PGLS: variants seen among roughly 807,000 people sequenced by gnomAD.
PGLS encodes the protein epididymis secretory protein Li 304.
Under a neutral mutation model 23.2 loss-of-function variants are expected in PGLS, and 21 were observed. That is an observed-to-expected ratio of 0.91 (90% CI 0.64 to 1.31). The LOEUF (loss-of-function observed/expected upper bound fraction) is 1.31, where lower values mean the gene tolerates loss of function less well. PGLS is among the 50% of genes most tolerant of loss of function. The probability of loss-of-function intolerance (pLI) is 0.00; values close to 1 mark genes in which losing one functional copy is unlikely to be tolerated. For synonymous variants in PGLS, 179 were observed against 165.4 expected, an observed-to-expected ratio of 1.08 and a Z score of -0.63; for missense variants, 410 against 354.0, an observed-to-expected ratio of 1.16 and a Z score of -1.27.
chr19:17,511,843 G>T lies in PGLS; in HGVS notation c.171G>T (p.Glu57Asp). Residue 57 changes from glutamate (E) to aspartate (D), a missense_variant, in exon 1 of 5, where the codon GAG becomes GAT. By Grantham distance (45) the Glu-to-Asp change is conservative. Coordinates refer to ENST00000252603, the MANE Select transcript of PGLS (RefSeq NM_012088.3). The stretch of plus-strand genomic sequence containing the variant: ...GCCTCGTCTCGATGCTAGCCCGCGA[G>T]CTACCCGCCGCCGTCGCCCCTGCCG... Reference protein sequence around the residue: ...GGSLVSMLARELPAAVAPAGP... With the variant: ...GGSLVSMLARDLPAAVAPAGP... 6.5e-7 allele frequency: 1 copy of T among 1,529,584 alleles called. No homozygotes were observed. 94.8% of individuals were successfully genotyped at this position (1,529,584 alleles called of 1,614,324 possible). A position where few individuals can be genotyped will look rare whatever the true frequency, so the allele number is the denominator to read the frequency against.
chr19:17,517,636 C>A, intron 3 of PGLS, 74 bp from the exon 4 acceptor site: 1 of 1,523,040 alleles, frequency 6.6e-7, no homozygotes, highest in Non-Finnish European at 9.1e-7. Context: ...TGGACCAGGC[C>A]TGGTGTGTGT....
intron 4 of PGLS, among the ~76,000 whole-genome samples, chr19:17,519,042 G>A (rs1008614385): frequency 1.6e-4 from 24 of 152,020 alleles, no homozygotes; most frequent in African/African-American, 5.1e-4. Flanking sequence ...GGCGGGGCGC[G>A]GTGGCTTATG....
intron 2 of PGLS, chr19:17,516,626 C>G: frequency 3.0e-6 from 2 of 662,260 alleles, no homozygotes; most frequent in Non-Finnish European, 3.7e-6. Context: ...ACTCTGTCGC[C>G]CAGGCTGGAG....
chr19:17,516,325 G>GGCCACACCCCGGGCAACAGA, intron 2 of PGLS, 45 bp downstream of exon 2: 1 of 1,581,154 alleles, frequency 6.3e-7, no homozygotes, highest in Non-Finnish European at 8.6e-7. Flanking sequence ...TCCACGAAGC[G>GGCCACACCCCGGGCAACAGA]GCCACACCCC....
intron 1 of PGLS, 36 bp downstream of exon 1, chr19:17,511,996 G>C: frequency 2.0e-6 from 3 of 1,517,528 alleles, no homozygotes; most frequent in Non-Finnish European, 2.6e-6. Context: ...ATCACGCCGA[G>C]AGGGCCACAG....
chr19:17,515,281 T>C (rs1455870708), intron 1 of PGLS, among the ~76,000 whole-genome samples: 1 of 152,036 alleles, frequency 6.6e-6, no homozygotes, highest in Non-Finnish European at 1.5e-5. Context: ...AGGTCAGCAT[T>C]CAGGGCAGTC....
rs1301923620 is a variant in PGLS, at chr19:17,511,753, C to T, written c.81C>T (p.Ala27=). 3 of 1,500,812 alleles carry T rather than the reference C, an allele frequency of 2.0e-6. No homozygotes were observed. Among genetic ancestry groups the T allele is most frequent in the East Asian group, 2.7e-5 (1 of 36,416 alleles). 93.0% of individuals were successfully genotyped at this position (1,500,812 alleles called of 1,614,324 possible). A position where few individuals can be genotyped will look rare whatever the true frequency, so the allele number is the denominator to read the frequency against. ...ELGAALAQLV[A]QRAACCLAGA... is the part of the protein sequence containing the mutation. Reference sequence around the variant, plus strand: ...GTGCGGCGCTAGCGCAGCTGGTGGCCCAGCGCGCAGCATGCTGCCTGGCAG... The same window carrying T: ...GTGCGGCGCTAGCGCAGCTGGTGGCTCAGCGCGCAGCATGCTGCCTGGCAG... The change falls in exon 1 of 5, where the codon GCC becomes GCT. Residue 27 remains alanine (A), a synonymous_variant. Transcript: ENST00000252603.
At position 17,516,226 on chromosome 19, in the gene PGLS, C is replaced by T. The variant is rs760234235; in HGVS notation, c.342C>T (p.Asn114=). 1.9e-6 allele frequency: 3 copies of T among 1,614,116 alleles called. No individual in the cohort carries two copies. Among genetic ancestry groups the T allele is most frequent in the Non-Finnish European group, 2.5e-6 (3 of 1,179,968 alleles). Residue 114 remains asparagine, a synonymous_variant, in exon 2 of 5, where the codon AAC becomes AAT. Coordinates refer to ENST00000252603, the MANE Select transcript of PGLS (RefSeq NM_012088.3). ...CAGAAAGCCAGGTGATCACCATTAA[C>T]CCCGAGCTGCCTGTGGAGGAGGCGG... ...PIPESQVITI[N]PELPVEEAAE...
chr19:17,513,759 C>G (rs2075520625), intron 1 of PGLS, among the ~76,000 whole-genome samples: 1 of 152,174 alleles, frequency 6.6e-6, no homozygotes, highest in Non-Finnish European at 1.5e-5. Context: ...GCAGAGGTTG[C>G]AGTGAGCTGA....
intron 2 of PGLS, 120 bp from the exon 3 acceptor site, chr19:17,517,168 C>G: frequency 1.4e-6 from 1 of 699,178 alleles, no homozygotes; most frequent in Non-Finnish European, 2.6e-6. Context: ...CAGGTGTGAG[C>G]CACCATGCCC....
rs547340724 is a variant in PGLS, at chr19:17,514,528, G to T, written c.289-1645G>T. Among the ~76,000 whole-genome samples the T allele has an allele frequency of 3.4e-3, 512 of 148,754 alleles. 5 individuals carry two copies. The highest frequency in any genetic ancestry group is 0.012 in the African/African-American group (487 of 40,178). On this transcript the variant is annotated intron_variant, in intron 1 of 4. Transcript: ENST00000252603. ...TTTTTTTGAGATAGGATCTTGTTGT[G>T]TTGCCCAGGCTGGAGTGCAGAGGCA...
chr19:17,517,558 G>GC, intron 3 of PGLS, 152 bp from the exon 4 acceptor site: 2 of 975,364 alleles, frequency 2.1e-6, no homozygotes, highest in South Asian at 1.5e-5. Context: ...TCTCAGTTGA[G>GC]CCCCTTAAAA....
intron 4 of PGLS, among the ~76,000 whole-genome samples, chr19:17,520,004 T>G (rs1395446948): frequency 6.6e-6 from 1 of 151,950 alleles, no homozygotes. Context: ...AAATAAAAAA[T>G]TAGCTGGGCA....
At chr19:17,517,626 TG>T in intron 3 of PGLS, 83 bp from the exon 4 acceptor site, 1 of 1,474,388 alleles carries the variant, frequency 6.8e-7, no homozygotes, top group Non-Finnish European at 9.4e-7. Context: ...GAACAGTGGC[TG>T]GACCAGGCCT....
At chr19:17,518,683 A>G (rs2075544560) in intron 4 of PGLS, 1 of 152,092 alleles carries the variant, frequency 6.6e-6, no homozygotes, top group African/African-American at 2.4e-5. Context: ...GGCGCCTGCC[A>G]CCAGGCCTGG....
At chr19:17,516,384 G>A in intron 2 of PGLS, 104 bp downstream of exon 2, 1 of 1,490,926 alleles carries the variant, frequency 6.7e-7, no homozygotes, top group Non-Finnish European at 9.0e-7. Flanking sequence ...CTGCCCCAGG[G>A]ATCACTGGCA....
intron 2 of PGLS, among the ~76,000 whole-genome samples, chr19:17,516,949 A>G (rs145477498): frequency 2.3e-4 from 34 of 150,284 alleles, no homozygotes; most frequent in African/African-American, 7.6e-4. Flanking sequence ...CAGTGATGCA[A>G]TCTCAGCTCA....
chr19:17,513,727 G>T (rs1175068931), intron 1 of PGLS, among the ~76,000 whole-genome samples: 1 of 152,080 alleles, frequency 6.6e-6, no homozygotes, highest in Non-Finnish European at 1.5e-5. Flanking sequence ...GCTGAAGCAC[G>T]AGAATCGCTT....
intron 4 of PGLS, chr19:17,520,709 A>C (rs2099117): frequency 0.27 from 94,204 of 348,264 alleles, 13,495 homozygotes; most frequent in Non-Finnish European, 0.3. Context: ...CCAGCCTGGG[A>C]GACAGAGTGA....
Sources: gnomAD v4.1 joint callset for allele counts (sites outside exome capture counted in the v4.1 genomes callset) on GRCh38, gnomAD v4.1.1 for gene constraint, MANE v1.5 for transcripts, NCBI Gene and HGNC (gene_info 2026-07-23, HGNC 2026-07-21) for gene names.